Variants in SDK1 observed in about 807,000 individuals in gnomAD.
The protein encoded by SDK1 is sidekick cell adhesion molecule 1, also known as protein sidekick-1.
A neutral mutation model predicts 245.5 loss-of-function variants in SDK1; 157 were observed. The ratio of observed to expected loss-of-function variants is 0.64; its 90% confidence interval spans 0.56 to 0.73. SDK1 has a LOEUF of 0.73. Among genes scored for constraint, SDK1 ranks in the 30% least tolerant of loss-of-function variants. The pLI, the probability that SDK1 is intolerant of heterozygous loss-of-function variation, is 0.00. For synonymous variants in SDK1, 1,647 were observed against 1,278.5 expected (o/e 1.29, Z -6.15); for missense variants, 3,583 against 3,002.3 (o/e 1.19, Z -4.52).
At chr7:4,128,261 TC>T (rs1397867365) in intron 26 of SDK1, among the ~76,000 whole-genome samples, 3 of 152,136 alleles carry the variant, frequency 2.0e-5, no homozygotes, top group Non-Finnish European at 4.4e-5. Context: ...GTACTTCACA[TC>T]CCTATTCTTT....
intron 4 of SDK1, among the ~76,000 whole-genome samples, chr7:3,784,912 C>G (rs1379151377): frequency 6.6e-6 from 1 of 152,222 alleles, no homozygotes; most frequent in African/African-American, 2.4e-5. Context: ...CCAATGTTTA[C>G]TGCAGCATTA....
At chr7:3,520,821 C>T (rs1459838924) in intron 1 of SDK1, among the ~76,000 whole-genome samples, 3 of 152,154 alleles carry the variant, frequency 2.0e-5, no homozygotes, top group Admixed American at 6.5e-5. Flanking sequence ...TTTTATTAGA[C>T]CTTGCACAGC....
intron 17 of SDK1, among the ~76,000 whole-genome samples, chr7:4,047,934 G>A (rs772116965): frequency 4.6e-5 from 7 of 152,194 alleles, no homozygotes; most frequent in Non-Finnish European, 7.3e-5. Flanking sequence ...CATTTTACAG[G>A]ATGGCAAGTA....
At chr7:3,850,990 T>G (rs1780406654) in intron 5 of SDK1, among the ~76,000 whole-genome samples, 1 of 152,096 alleles carries the variant, frequency 6.6e-6, no homozygotes, top group South Asian at 2.1e-4. Context: ...AAGTGTACCC[T>G]AGAACTTAAA....
intron 35 of SDK1, among the ~76,000 whole-genome samples, chr7:4,192,697 G>C (rs962121681): frequency 6.6e-6 from 1 of 152,048 alleles, no homozygotes; most frequent in Non-Finnish European, 1.5e-5. Context: ...AAACATGTAC[G>C]TGACTCCCTT....
chr7:3,566,921 C>G (rs542235942), intron 1 of SDK1, among the ~76,000 whole-genome samples: 6 of 152,110 alleles, frequency 3.9e-5, no homozygotes, highest in Admixed American at 2.0e-4. Flanking sequence ...ATGGTAGATA[C>G]AAGTGGGGAT....
At chr7:3,556,421 C>T (rs1055979420) in intron 1 of SDK1, among the ~76,000 whole-genome samples, 3 of 151,680 alleles carry the variant, frequency 2.0e-5, no homozygotes, top group Non-Finnish European at 4.4e-5. Flanking sequence ...GGTGGGGGTG[C>T]AGCAAGTAGG....
chr7:3,327,292 C>A (rs1256487275), intron 1 of SDK1, among the ~76,000 whole-genome samples: 1 of 152,118 alleles, frequency 6.6e-6, no homozygotes, highest in Non-Finnish European at 1.5e-5. Flanking sequence ...TGAATGGAGA[C>A]AGCTATCTGC....
At chr7:3,342,422 C>G (rs1199529822) in intron 1 of SDK1, among the ~76,000 whole-genome samples, 2 of 151,860 alleles carry the variant, frequency 1.3e-5, no homozygotes, top group East Asian at 3.9e-4. Flanking sequence ...AACACCGTCT[C>G]TACTAAAAAT....
At chr7:3,898,647 C>G (rs928456121) in intron 5 of SDK1, among the ~76,000 whole-genome samples, 2 of 152,136 alleles carry the variant, frequency 1.3e-5, no homozygotes, top group African/African-American at 2.4e-5. Context: ...GGAATTCTCA[C>G]TGATGAAAAT....
At chr7:3,918,839 C>T (rs1022293582) in intron 5 of SDK1, among the ~76,000 whole-genome samples, 7 of 152,054 alleles carry the variant, frequency 4.6e-5, no homozygotes, top group East Asian at 1.9e-4. Flanking sequence ...TATCCTCTGA[C>T]GGTTTCCCAC....
chr7:3,596,590 T>TC (rs1277204443), intron 1 of SDK1, among the ~76,000 whole-genome samples: 1 of 152,212 alleles, frequency 6.6e-6, no homozygotes. Context: ...CCCTGCAAGT[T>TC]CCCTCAGGCC....
At chr7:3,496,173 T>G (rs918215543) in intron 1 of SDK1, among the ~76,000 whole-genome samples, 5 of 152,152 alleles carry the variant, frequency 3.3e-5, no homozygotes, top group African/African-American at 7.2e-5. Context: ...CACTGCTGCC[T>G]CCTCATTGAA....
intron 1 of SDK1, among the ~76,000 whole-genome samples, chr7:3,430,286 T>A (rs917847894): frequency 1.3e-5 from 2 of 152,082 alleles, no homozygotes; most frequent in Non-Finnish European, 2.9e-5. Flanking sequence ...TGTTCTTAAT[T>A]TTTTTTTGAG....
At chr7:4,062,387 A>G (rs1280116247) in intron 19 of SDK1, among the ~76,000 whole-genome samples, 2 of 151,214 alleles carry the variant, frequency 1.3e-5, no homozygotes, top group African/African-American at 4.9e-5. Context: ...CTGAACACAT[A>G]CAACCTACCA....
At chr7:3,882,475 C>T (rs1781231208) in intron 5 of SDK1, among the ~76,000 whole-genome samples, 3 of 152,352 alleles carry the variant, frequency 2.0e-5, no homozygotes, top group Middle Eastern at 3.4e-3. Flanking sequence ...ACCCCAAACA[C>T]TGATTCTTTC....
intron 22 of SDK1, among the ~76,000 whole-genome samples, chr7:4,104,309 C>T (rs1554342506): frequency 6.6e-6 from 1 of 152,214 alleles, no homozygotes; most frequent in Non-Finnish European, 1.5e-5. Context: ...AAACCTCCCG[C>T]TTTGGCCTCC....
intron 4 of SDK1, among the ~76,000 whole-genome samples, chr7:3,737,892 C>G (rs1020806348): frequency 2.0e-5 from 3 of 152,164 alleles, no homozygotes; most frequent in Non-Finnish European, 4.4e-5. Context: ...ATGACCAAAC[C>G]AAATCCCTCC....
At chr7:3,497,038 A>G (rs915484588) in intron 1 of SDK1, among the ~76,000 whole-genome samples, 13 of 152,188 alleles carry the variant, frequency 8.5e-5, no homozygotes, top group Admixed American at 2.0e-4. Flanking sequence ...TATCCAGTGA[A>G]AAATGTTCCT....
Sources: allele counts gnomAD v4.1 joint callset (sites outside exome capture counted in the v4.1 genomes callset), GRCh38; gene constraint gnomAD v4.1.1; transcripts MANE v1.5; gene names NCBI Gene and HGNC (gene_info 2026-07-23, HGNC 2026-07-21).